DHX36: variants seen among roughly 807,000 people sequenced by gnomAD.
DHX36 encodes ATP-dependent DNA/RNA helicase DHX36.
DHX36 carries 50 observed loss-of-function variants against 139.0 expected under a neutral mutation model. The ratio of observed to expected loss-of-function variants is 0.36; its 90% CI spans 0.29 to 0.46. DHX36 has a LOEUF of 0.46. Among genes scored for constraint, DHX36 ranks in the 20% least tolerant of loss-of-function variants. DHX36 has a pLI of 1.00. For missense variants in DHX36, 1,024 were observed against 1,211.3 expected, an observed-to-expected ratio of 0.85 and a Z score of 2.29; for synonymous variants, 425 against 401.9, an observed-to-expected ratio of 1.06 and a Z score of -0.69.
intron 1 of DHX36, among the ~76,000 whole-genome samples, chr3:154,323,222 C>G (rs1281219168): frequency 1.3e-5 from 2 of 152,160 alleles, no homozygotes; most frequent in African/African-American, 4.8e-5. Flanking sequence ...GTAATCCCAG[C>G]TACTCGGGAG....
chr3:154,305,895 G>A (rs374190470), intron 6 of DHX36, among the ~76,000 whole-genome samples: 1 of 152,078 alleles, frequency 6.6e-6, no homozygotes, highest in Non-Finnish European at 1.5e-5. Flanking sequence ...AAAGTCAGTC[G>A]GAAGTATATG....
chr3:154,286,897 C>T (rs1347289924), intron 17 of DHX36, among the ~76,000 whole-genome samples: 9 of 151,934 alleles, frequency 5.9e-5, no homozygotes, highest in African/African-American at 2.2e-4. Flanking sequence ...CTCACTGTGT[C>T]CCTCAAACTC....
chr3:154,301,152 T>A, intron 9 of DHX36, 25 bp from the exon 10 acceptor site: 1 of 1,559,288 alleles, frequency 6.4e-7, no homozygotes, highest in Non-Finnish European at 8.6e-7. Flanking sequence ...TTCTTGAATA[T>A]CTTCACTTTT....
chr3:154,294,931 C>T (rs1426037567), intron 13 of DHX36, among the ~76,000 whole-genome samples: 1 of 152,140 alleles, frequency 6.6e-6, no homozygotes, highest in Non-Finnish European at 1.5e-5. Flanking sequence ...CATCATCAAA[C>T]TGTAGTATGT....
rs67771264 is a variant in DHX36 at position 154,312,852 on chromosome 3, AATATATATATATATATATATATAT to A, written c.604-1202_604-1179del. On this transcript the variant is annotated intron_variant, in intron 3 of 24. Coordinates refer to ENST00000496811, the MANE Select transcript of DHX36 (RefSeq NM_020865.3). ...CAAAAAAAAAAAAGGAAATAATTAA[AATATATATATATATATATATATAT>A]ATATATATATATATATATATATATA... is the stretch of plus-strand genomic sequence containing the variant. Among the ~76,000 whole-genome samples the A allele has an allele frequency of 3.1e-3, 125 of 39,766 alleles. 6 individuals are homozygous for A. Among genetic ancestry groups the A allele is most frequent in the African/African-American group, 5.6e-3 (70 of 12,464 alleles). 26.1% of individuals were successfully genotyped at this position (39,766 alleles called of 152,430 possible).
At position 154,276,195 on chromosome 3, in the gene DHX36, T is replaced by C. The variant is rs1458495796; in HGVS notation, c.3003A>G (p.Arg1001=). ...EKATPRNFPP[R]FQDGYYS is the part of the protein sequence containing the mutation. ...GTCAGCTGTAATATCCATCCTGGAA[T>C]CGTGGCGGAAAGTTCCTGGGAGTTG... The change falls in exon 25 of 25, where the codon CGA becomes CGG. Residue 1001 remains arginine (R), a synonymous_variant. Coordinates refer to ENST00000496811, the MANE Select transcript of DHX36 (RefSeq NM_020865.3). 2.5e-6 allele frequency: 4 copies of C among 1,612,810 alleles called. No individual in the cohort carries two copies. The highest frequency in any genetic ancestry group is 1.1e-5 in the South Asian group (1 of 90,738).
In DHX36 at chr3:154,284,749, A is replaced by C. The variant is rs188695285; in HGVS notation, c.2205+65T>G. 1.5e-3 allele frequency: 2,394 copies of C among 1,597,614 alleles called. 3 individuals are homozygous for C. Among genetic ancestry groups the C allele is most frequent in the Middle Eastern group, 2.3e-3 (14 of 5,978 alleles). On this transcript the variant is annotated intron_variant, in intron 18 of 24. Coordinates refer to ENST00000496811, the MANE Select transcript of DHX36 (RefSeq NM_020865.3). The stretch of plus-strand genomic sequence containing the variant: ...TGACATTCTAATAAAACGCTAATGA[A>C]AAATATATCTAAGCAACTCCTGTTC...
At position 154,284,861 on chromosome 3, in the gene DHX36, T is replaced by C. The variant is rs998897815; in HGVS notation, c.2158A>G (p.Thr720Ala). The C allele has an allele frequency of 1.9e-6, 3 of 1,614,124 alleles. No homozygotes were observed. In the Admixed American group the frequency reaches 5.0e-5, roughly 27 times the overall value. The change falls in exon 18 of 25, where the codon ACT (threonine) becomes GCT (alanine). Residue 720 changes from threonine to alanine, a missense_variant. Physicochemically the swap from Thr to Ala is moderately conservative, Grantham distance 58. Around this residue, in one of 4 missense-constraint regions of DHX36, gnomAD observed 470 missense variants for 616.2 expected, o/e 0.76. Transcript: ENST00000496811. ...TTGAAACTGAGACTAGCAGCAATAG[T>C]GAGTACTGGGTCTAAGCAGCAGAAC... ...ALFCCLDPVL[T>A]IAASLSFKDP...
intron 22 of DHX36, among the ~76,000 whole-genome samples, chr3:154,278,091 A>T (rs967383156): frequency 1.3e-5 from 2 of 152,162 alleles, no homozygotes; most frequent in Non-Finnish European, 2.9e-5. Context: ...TAAAATAATT[A>T]AGTGATTCAT....
rs774200761 is a variant in DHX36, at chr3:154,292,707, C to T, written c.1671-13G>A. On this transcript the variant is annotated splice_polypyrimidine_tract_variant and intron_variant, in intron 14 of 24. Transcript: ENST00000496811. ...ATCTATGGTAATGCTGTTTGGAAAA[C>T]AGATATATAAAATGTTAAAACACAC... 27 of 1,605,678 alleles carry T rather than the reference C, an allele frequency of 1.7e-5. No individual in the cohort carries two copies. The highest frequency in any genetic ancestry group is 2.3e-5 in the Non-Finnish European group (27 of 1,177,964).
At position 154,272,593 on chromosome 3, in the gene DHX36, T is replaced by C. The variant is rs548722975; in HGVS notation, c.*3578A>G. On this transcript the variant is annotated 3_prime_UTR_variant, in exon 25 of 25. Transcript: ENST00000496811. Reference sequence around the variant, plus strand: ...ATATAATATCTTAAAATTTATTATATATAAAATAATACCTAAAGTTTATAT... The same window carrying C: ...ATATAATATCTTAAAATTTATTATACATAAAATAATACCTAAAGTTTATAT... The C allele has an allele frequency of 6.6e-6, 1 of 151,014 alleles. No individual in the cohort carries two copies. Among genetic ancestry groups the C allele is most frequent in the Admixed American group, 6.6e-5 (1 of 15,110 alleles). The allele number at this position is 151,014 out of a possible 1,614,324, so 9.4% of individuals were successfully genotyped here.
rs779141139 is a variant in DHX36, at chr3:154,301,035, GCTTCTTTTT to G, written c.1301_1309del (p.Glu434_Glu436del). ...ATCTGGCCAACGTTCTTTATATATT[GCTTCTTTTT>G]CTTCTTTTTCTTGTCTATTTACATG... On this transcript the variant is annotated inframe_deletion, in exon 10 of 25. Transcript: ENST00000496811. 2,258 of 1,613,218 alleles carry G rather than the reference GCTTCTTTTT, an allele frequency of 1.4e-3. 4 individuals carry two copies. The highest frequency in any genetic ancestry group is 1.4e-3 in the Non-Finnish European group (1,621 of 1,179,878).
At chr3:154,296,546 A>G (rs1172850115) in intron 12 of DHX36, among the ~76,000 whole-genome samples, 1 of 152,250 alleles carries the variant, frequency 6.6e-6, no homozygotes, top group Admixed American at 6.5e-5. Flanking sequence ...TGTTAAAAAT[A>G]TAAGAAATTC....
chr3:154,305,831 A>C (rs1712481152), intron 6 of DHX36, among the ~76,000 whole-genome samples: 1 of 152,220 alleles, frequency 6.6e-6, no homozygotes, highest in South Asian at 2.1e-4. Context: ...AAAAGGACCA[A>C]CTATGTACTG....
intron 15 of DHX36, among the ~76,000 whole-genome samples, chr3:154,291,255 A>G (rs1447091268): frequency 6.6e-6 from 1 of 152,180 alleles, no homozygotes; most frequent in Non-Finnish European, 1.5e-5. Context: ...GAGCCTACAA[A>G]AGACTGTTTT....
chr3:154,289,590 T>A, intron 16 of DHX36, 119 bp downstream of exon 16: 1 of 673,436 alleles, frequency 1.5e-6, no homozygotes, highest in South Asian at 1.9e-5. Flanking sequence ...AATGCACACA[T>A]GAAATAAATT....
At chr3:154,318,321 GTTTT>G (rs1026232244) in intron 1 of DHX36, among the ~76,000 whole-genome samples, 2 of 152,012 alleles carry the variant, frequency 1.3e-5, no homozygotes, top group Non-Finnish European at 2.9e-5. Context: ...TCCTCTTAAG[GTTTT>G]TTGATGTATC....
At chr3:154,323,805 C>G (rs1008457434) in intron 1 of DHX36, among the ~76,000 whole-genome samples, 2 of 152,130 alleles carry the variant, frequency 1.3e-5, no homozygotes, top group Non-Finnish European at 2.9e-5. Flanking sequence ...CTTCACCAGG[C>G]AAAGACCTTA....
At chr3:154,312,891 ATATATAT>A (rs1712826135) in intron 3 of DHX36, among the ~76,000 whole-genome samples, 4 of 102,144 alleles carry the variant, frequency 3.9e-5, no homozygotes, top group South Asian at 3.2e-4. Context: ...ATATATATAT[ATATATAT>A]ATAAAATAAA....
Sources: allele counts gnomAD v4.1 joint callset (sites outside exome capture counted in the v4.1 genomes callset), GRCh38; gene constraint gnomAD v4.1.1; regional missense constraint gnomAD v4.1.1; transcripts MANE v1.5; gene names NCBI Gene and HGNC (gene_info 2026-07-23, HGNC 2026-07-21).